Variants in ZZEF1 observed in about 807,000 individuals in gnomAD.
ZZEF1 encodes zinc finger ZZ-type and EF-hand domain containing 1, also known as zinc finger ZZ-type and EF-hand domain-containing protein 1.
Under a neutral mutation model 342.8 loss-of-function variants are expected in ZZEF1, and 157 were observed. The ratio of observed to expected loss-of-function variants is 0.46; its 90% CI spans 0.40 to 0.52. The LOEUF is 0.52. Among genes scored for constraint, ZZEF1 ranks in the 20% least tolerant of loss-of-function variants. The probability of loss-of-function intolerance (pLI) is 0.00; values close to 1 mark genes in which losing one functional copy is unlikely to be tolerated. For missense variants in ZZEF1, 3,480 were observed against 3,725.6 expected (o/e 0.93, Z 1.72); for synonymous variants, 1,505 against 1,429.1 (o/e 1.05, Z -1.20).
Position 4,064,697 on chromosome 17 carries a change from C to A in ZZEF1, c.4382G>T (p.Arg1461Met), listed in dbSNP as rs140998998. ...ATGCTCTTCCACCACAGAGCTTGTCCTCTGACGCTTGTTGAGTGGCTGGAG... is the reference window on the plus strand; with the variant it reads ...ATGCTCTTCCACCACAGAGCTTGTCATCTGACGCTTGTTGAGTGGCTGGAG... ...SHLQPLNKRQ[R>M]TSSVVEEHFQ... is the part of the protein sequence containing the mutation. The change falls in exon 29 of 55, where the codon AGG becomes ATG. Residue 1461 changes from arginine to methionine, a missense_variant. Arg to Met is a moderately conservative substitution (Grantham distance 91). This residue lies in a region of ZZEF1 where 1,528 missense variants were observed against 1,624.1 expected (regional missense o/e 0.94). Transcript: ENST00000381638. 2 of 1,614,068 alleles carry A rather than the reference C, an allele frequency of 1.2e-6. No individual in the cohort carries two copies. The highest frequency in any genetic ancestry group is 2.7e-5 in the African/African-American group (2 of 74,918).
chr17:4,085,955 A>G, intron 15 of ZZEF1, 152 bp from the exon 16 acceptor site: 1 of 962,982 alleles, frequency 1.0e-6, no homozygotes, highest in East Asian at 2.7e-5. Context: ...GTATAAAAAA[A>G]TATTTTTTAT....
chr17:4,023,259 C>CT (rs1342196152), intron 43 of ZZEF1, among the ~76,000 whole-genome samples: 2 of 152,030 alleles, frequency 1.3e-5, no homozygotes, highest in Non-Finnish European at 2.9e-5. Context: ...GAGAAAAAGG[C>CT]TTTTTTTGAC....
intron 44 of ZZEF1, among the ~76,000 whole-genome samples, chr17:4,022,162 T>G (rs1230536831): frequency 6.6e-6 from 1 of 152,134 alleles, no homozygotes; most frequent in Non-Finnish European, 1.5e-5. Context: ...CCCTCCTATG[T>G]GGCGGCAGCC....
rs1026800436 is a variant in ZZEF1 at position 4,102,176 on chromosome 17, T to C, written c.1672+141A>G. On this transcript the variant is annotated intron_variant, in intron 9 of 54. Transcript: ENST00000381638. ...CAGATTACAACTACACCACACAAAT[T>C]GCTCAGCAACCACTGCCAACTGAGA... 42 of 660,248 alleles carry C rather than the reference T, an allele frequency of 6.4e-5. No individual in the cohort carries two copies. In the African/African-American group the frequency reaches 7.5e-4, roughly 12 times the overall value. 40.9% of individuals were successfully genotyped at this position (660,248 alleles called of 1,614,324 possible).
intron 37 of ZZEF1, 131 bp from the exon 38 acceptor site, chr17:4,044,505 C>T (rs1597804869): frequency 2.6e-6 from 2 of 769,170 alleles, no homozygotes; most frequent in East Asian, 2.7e-5. Flanking sequence ...GAAAATGCCA[C>T]TCATTTCTTT....
chr17:4,085,527 T>C (rs2057802413), intron 16 of ZZEF1, 143 bp downstream of exon 16: 1 of 959,200 alleles, frequency 1.0e-6, no homozygotes, highest in East Asian at 2.6e-5. Context: ...TCCTTAGATA[T>C]CTGTCCCACA....
In ZZEF1 at chr17:4,013,409, A is replaced by C. The variant is rs751180436; in HGVS notation, c.8579+40T>G. On this transcript the variant is annotated intron_variant, in intron 52 of 54. Coordinates refer to ENST00000381638, the MANE Select transcript of ZZEF1 (RefSeq NM_015113.4). ...AGGGCCAGCCACAGAGTGGGGATAC[A>C]TATGCCTGGCAAAGGGCTGCCATCC... is the stretch of plus-strand genomic sequence containing the variant. The C allele has an allele frequency of 8.4e-6, 13 of 1,539,596 alleles. No individual in the cohort carries two copies. In the African/African-American group the frequency reaches 1.5e-4, roughly 18 times the overall value.
intron 2 of ZZEF1, among the ~76,000 whole-genome samples, chr17:4,120,464 G>C (rs1204435417): frequency 2.0e-5 from 3 of 152,136 alleles, no homozygotes; most frequent in Non-Finnish European, 4.4e-5. Context: ...ATATATAAAA[G>C]GGAGTTTATT....
chr17:4,013,307 A>G (rs958186179), intron 52 of ZZEF1, 142 bp downstream of exon 52: 5 of 817,666 alleles, frequency 6.1e-6, no homozygotes, highest in African/African-American at 1.8e-5. Context: ...ACGCTAGCAT[A>G]AAGCAAATGA....
rs766806716 is a variant in ZZEF1 at position 4,095,793 on chromosome 17, G to C, written c.1913+38C>G. ...TATTAACTACAAAGATTTTTGTTCT[G>C]TAGATCTTTGTTCTACAAAGATTTT... On this transcript the variant is annotated intron_variant, in intron 11 of 54. Transcript: ENST00000381638. 3 of 1,572,276 alleles carry C rather than the reference G, an allele frequency of 1.9e-6. No individual in the cohort carries two copies. The South Asian group carries it at 3.5e-5, about 18-fold the overall frequency.
chr17:4,045,394 A>T (rs2056892320), intron 37 of ZZEF1, among the ~76,000 whole-genome samples: 1 of 152,090 alleles, frequency 6.6e-6, no homozygotes, highest in Non-Finnish European at 1.5e-5. Context: ...CTTCTAGTAC[A>T]CTCTGGTGAC....
intron 38 of ZZEF1, among the ~76,000 whole-genome samples, chr17:4,042,961 C>A (rs942141703): frequency 6.6e-6 from 1 of 152,216 alleles, no homozygotes. Flanking sequence ...GGATTACAGG[C>A]CTGAGCCACT....
intron 39 of ZZEF1, among the ~76,000 whole-genome samples, chr17:4,041,935 T>C (rs938591464): frequency 6.6e-6 from 1 of 152,090 alleles, no homozygotes; most frequent in African/African-American, 2.4e-5. Flanking sequence ...AATATCTGTA[T>C]TTAGGCTATA....
intron 7 of ZZEF1, 56 bp from the exon 8 acceptor site, chr17:4,104,867 A>G: frequency 6.6e-7 from 1 of 1,507,982 alleles, no homozygotes; most frequent in Non-Finnish European, 9.1e-7. Context: ...AAATCCAGGT[A>G]GCTCAAACCC....
At position 4,057,579 on chromosome 17, in the gene ZZEF1, A is replaced by G. The variant is rs145169755; in HGVS notation, c.5165+415T>C. Among the ~76,000 whole-genome samples, 137 of 152,348 alleles carry G rather than the reference A, an allele frequency of 9.0e-4. 1 individual carries two copies. Among genetic ancestry groups the G allele is most frequent in the African/African-American group, 3.0e-3 (126 of 41,584 alleles). On this transcript the variant is annotated intron_variant, in intron 32 of 54. Transcript: ENST00000381638. ...TGTGCAAGAAGTTAGAGTGGCTAAC[A>G]TAACATATACATGTAACAAAAATTA...
intron 5 of ZZEF1, among the ~76,000 whole-genome samples, chr17:4,110,547 G>A (rs962939794): frequency 6.6e-6 from 1 of 152,108 alleles, no homozygotes; most frequent in Non-Finnish European, 1.5e-5. Context: ...GAAGAAATGA[G>A]ATAAAACATG....
intron 42 of ZZEF1, among the ~76,000 whole-genome samples, chr17:4,025,907 C>T (rs2056392996): frequency 6.6e-6 from 1 of 152,202 alleles, no homozygotes; most frequent in African/African-American, 2.4e-5. Flanking sequence ...CAGACGATTT[C>T]CAAGCTGCAA....
At chr17:4,029,153 T>G (rs1439520402) in intron 42 of ZZEF1, among the ~76,000 whole-genome samples, 3 of 152,164 alleles carry the variant, frequency 2.0e-5, no homozygotes, top group African/African-American at 7.2e-5. Context: ...AACAACATAG[T>G]GCACATGCAT....
Position 4,086,527 on chromosome 17 carries a change from C to G in ZZEF1, c.2471G>C (p.Gly824Ala). The G allele has an allele frequency of 6.2e-7, 1 of 1,614,226 alleles. No individual in the cohort carries two copies. The highest frequency in any genetic ancestry group is 1.3e-5 in the African/African-American group (1 of 75,058). ...GTACAGCTCCTTGGCAGCCTCTACT[C>G]CTTTAGGGCTTTGGATTGGAGCCTT... ...EEKAPIQSPK[G>A]VEAAKELYTH... The change falls in exon 15 of 55, where the codon GGA (glycine) becomes GCA (alanine). Residue 824 changes from glycine to alanine, a missense_variant. Physicochemically the swap from Gly to Ala is moderately conservative, Grantham distance 60. Around this residue, in one of 5 missense-constraint regions of ZZEF1, gnomAD observed 1,528 missense variants for 1,624.1 expected, o/e 0.94. Coordinates refer to ENST00000381638, the MANE Select transcript of ZZEF1 (RefSeq NM_015113.4).
Sources: allele counts gnomAD v4.1 joint callset (sites outside exome capture counted in the v4.1 genomes callset), GRCh38; gene constraint gnomAD v4.1.1; regional missense constraint gnomAD v4.1.1; transcripts MANE v1.5; gene names NCBI Gene and HGNC (gene_info 2026-07-23, HGNC 2026-07-21).